Variants in ADAMTS2 observed in about 807,000 individuals in gnomAD.
The protein encoded by ADAMTS2 is A disintegrin and metalloproteinase with thrombospondin motifs 2.
ADAMTS2 carries 50 observed loss-of-function variants against 123.0 expected under a neutral mutation model. The observed-to-expected ratio is 0.41, with a 90% CI of 0.32 to 0.51. The LOEUF (loss-of-function observed/expected upper bound fraction) is 0.51. ADAMTS2 is among the 20% of genes least tolerant of loss of function. ADAMTS2 has a pLI of 0.35. For synonymous variants in ADAMTS2, 678 were observed against 695.4 expected (o/e 0.98, Z 0.39); for missense variants, 1,494 against 1,705.2 (o/e 0.88, Z 2.18).
rs1162344810 is a variant in ADAMTS2 at position 179,256,490 on chromosome 5, T to C, written c.688+16421A>G. On this transcript the variant is annotated intron_variant, in intron 3 of 21. Transcript: ENST00000251582. This position sits in a 1 kb window ranked among gnomAD's most constrained non-coding sequence, Gnocchi z 4.1. ...CTACATGGATGAAGATGTGGATGTG[T>C]CTGCTCTGACCATGGGTGTGTGCAT... Among the ~76,000 whole-genome samples, 4 of 152,036 alleles carry C rather than the reference T, an allele frequency of 2.6e-5. No individual in the cohort carries two copies. Among genetic ancestry groups the C allele is most frequent in the Non-Finnish European group, 5.9e-5 (4 of 67,982 alleles).
In ADAMTS2 at chr5:179,234,936, A is replaced by C. The variant is rs1302360156; in HGVS notation, c.689-27221T>G. ...CGAGCACACTGGCTAGGGCCTCCTG[A>C]TGGGCCTGACCTGCCTGCCAACCCT... On this transcript the variant is annotated intron_variant, in intron 3 of 21. Coordinates refer to ENST00000251582, the MANE Select transcript of ADAMTS2 (RefSeq NM_014244.5). The surrounding 1 kb of genome is among the most constrained non-coding windows in gnomAD (Gnocchi z 4.7). Among the ~76,000 whole-genome samples the C allele has an allele frequency of 1.3e-5, 2 of 152,124 alleles. No homozygotes were observed. The highest frequency in any genetic ancestry group is 2.9e-5 in the Non-Finnish European group (2 of 68,020).
At chr5:179,247,101 G>C (rs924857544) in intron 3 of ADAMTS2, among the ~76,000 whole-genome samples, 5 of 152,152 alleles carry the variant, frequency 3.3e-5, no homozygotes, top group African/African-American at 1.2e-4. Flanking sequence ...TGTCTTAAAT[G>C]TGTTCAAAGA....
At chr5:179,223,283 TACAC>T (rs138886185) in intron 3 of ADAMTS2, among the ~76,000 whole-genome samples, 3 of 116,296 alleles carry the variant, frequency 2.6e-5, no homozygotes, top group East Asian at 2.9e-4. Flanking sequence ...AATGCACTCA[TACAC>T]ACACACACGA....
chr5:179,128,013 CCA>C lies in ADAMTS2; in HGVS notation c.2561_2562del (p.Val854GlyfsTer73), dbSNP rs1554124086. On this transcript the variant is annotated frameshift_variant, in exon 17 of 22. Transcript: ENST00000251582. LOFTEE classifies it high-confidence loss of function. This position sits in a 1 kb window ranked among gnomAD's most constrained non-coding sequence, Gnocchi z 4.9. ...DDNNVLEEDSVVYEWALKKWS... is the reference protein window; with the variant it reads ...DDNNVLEEDSXVYEWALKKWS... ...CACTTCTTCAGGGCCCACTCGTAGA[CCA>C]CAGAGTCCTCTTCCAGGACGTTGTT... The C allele has an allele frequency of 6.2e-7, 1 of 1,613,998 alleles. No homozygotes were observed. The highest frequency in any genetic ancestry group is 1.7e-5 in the Admixed American group (1 of 60,010).
At chr5:179,221,984 G>A (rs1195102056) in intron 3 of ADAMTS2, among the ~76,000 whole-genome samples, 3 of 152,122 alleles carry the variant, frequency 2.0e-5, no homozygotes, top group African/African-American at 7.2e-5. Context: ...CCTCTCCCAC[G>A]GGTAAATCCC....
At position 179,294,983 on chromosome 5, in the gene ADAMTS2, C is replaced by T. The variant is rs535061061; in HGVS notation, c.535-21919G>A. Reference sequence around the variant, plus strand: ...GTCGCTCTCAACTACTGCCTCTAGGCGAACGGGCCTGTGGGGAACTTGGCG... The same window carrying T: ...GTCGCTCTCAACTACTGCCTCTAGGTGAACGGGCCTGTGGGGAACTTGGCG... On this transcript the variant is annotated intron_variant, in intron 2 of 21. Coordinates refer to ENST00000251582, the MANE Select transcript of ADAMTS2 (RefSeq NM_014244.5). Among the ~76,000 whole-genome samples the T allele has an allele frequency of 1.1e-4, 17 of 152,310 alleles. No homozygotes were observed. The East Asian group carries it at 2.5e-3, about 23-fold the overall frequency.
intron 3 of ADAMTS2, among the ~76,000 whole-genome samples, chr5:179,208,150 G>T (rs1764759587): frequency 1.3e-5 from 2 of 148,922 alleles, no homozygotes; most frequent in African/African-American, 2.5e-5. Context: ...GCCACCCCTT[G>T]CCCACACTGC....
At chr5:179,240,576 AAAG>A (rs1765640878) in intron 3 of ADAMTS2, among the ~76,000 whole-genome samples, 1 of 152,234 alleles carries the variant, frequency 6.6e-6, no homozygotes, top group South Asian at 2.1e-4. Flanking sequence ...GCCGCTGGCA[AAAG>A]AAGGTTTAAG....
At chr5:179,137,624 A>G in intron 12 of ADAMTS2, 145 bp downstream of exon 12, 1 of 1,103,536 alleles carries the variant, frequency 9.1e-7, no homozygotes, top group Non-Finnish European at 1.3e-6. Context: ...GGGCCAGGGC[A>G]GCCACACCAG....
At chr5:179,293,926 T>A (rs1561698786) in intron 2 of ADAMTS2, among the ~76,000 whole-genome samples, 1 of 151,670 alleles carries the variant, frequency 6.6e-6, no homozygotes, top group Non-Finnish European at 1.5e-5. Flanking sequence ...CTGGCCAAGG[T>A]TTTTTTGTTT....
chr5:179,119,643 C>G (rs899752047), intron 21 of ADAMTS2, among the ~76,000 whole-genome samples: 4 of 152,222 alleles, frequency 2.6e-5, no homozygotes, highest in African/African-American at 9.6e-5. Flanking sequence ...CCCAGGCTTT[C>G]CCGGGGCTGG....
intron 2 of ADAMTS2, among the ~76,000 whole-genome samples, chr5:179,297,190 C>T (rs932340266): frequency 6.6e-6 from 1 of 152,130 alleles, no homozygotes; most frequent in African/African-American, 2.4e-5. Flanking sequence ...GTCTCCTAGA[C>T]CACAGCAGAG....
At chr5:179,337,257 C>T (rs758496776) in intron 2 of ADAMTS2, among the ~76,000 whole-genome samples, 1 of 152,076 alleles carries the variant, frequency 6.6e-6, no homozygotes, top group African/African-American at 2.4e-5. Context: ...CCCCTGAGTA[C>T]CTCAACCCCA....
At chr5:179,283,549 C>CAAAAAAAAAAAAAAAAAAAAA (rs3986816) in intron 2 of ADAMTS2, among the ~76,000 whole-genome samples, 1 of 51,342 alleles carries the variant, frequency 1.9e-5, no homozygotes, top group African/African-American at 9.5e-5. Flanking sequence ...AGAAAAACAG[C>CAAAAAAAAAAAAAAAAAAAAA]AAAAAAAAAA....
chr5:179,329,487 A>C (rs1407753561), intron 2 of ADAMTS2, among the ~76,000 whole-genome samples: 1 of 152,216 alleles, frequency 6.6e-6, no homozygotes, highest in Non-Finnish European at 1.5e-5. Context: ...AATTTAGAAA[A>C]AAATGAACAC....
At position 179,155,584 on chromosome 5, in the gene ADAMTS2, C is replaced by A. The variant is rs114888274; in HGVS notation, c.1133-665G>T. ...CGTAGAAGATGAGGCCAGTGGCCTA[C>A]GACAGCCCAGGGCCAGGGGGAGGGT... On this transcript the variant is annotated intron_variant, in intron 6 of 21. Coordinates refer to ENST00000251582, the MANE Select transcript of ADAMTS2 (RefSeq NM_014244.5). This position sits in a 1 kb window ranked among gnomAD's most constrained non-coding sequence, Gnocchi z 5.1. Among the ~76,000 whole-genome samples the A allele has an allele frequency of 6.6e-6, 1 of 152,188 alleles. No homozygotes were observed. Among genetic ancestry groups the A allele is most frequent in the Non-Finnish European group, 1.5e-5 (1 of 68,028 alleles).
At position 179,190,856 on chromosome 5, in the gene ADAMTS2, A is replaced by G. The variant is rs576477965; in HGVS notation, c.892-9701T>C. Among the ~76,000 whole-genome samples, 6 of 152,332 alleles carry G rather than the reference A, an allele frequency of 3.9e-5. No homozygotes were observed. In the South Asian group the frequency reaches 1.2e-3, roughly 32 times the overall value. ...CACCCTGGCTCTCCTCCTGGCCATC[A>G]CCATCGGGAGAGGTCTGAGTGAACA... On this transcript the variant is annotated intron_variant, in intron 4 of 21. Transcript: ENST00000251582.
intron 5 of ADAMTS2, among the ~76,000 whole-genome samples, chr5:179,171,546 G>C (rs568166931): frequency 1.3e-5 from 2 of 152,164 alleles, no homozygotes; most frequent in Non-Finnish European, 2.9e-5. Context: ...GCACAGCAGC[G>C]GGCAGGCCCG....
intron 3 of ADAMTS2, among the ~76,000 whole-genome samples, chr5:179,211,362 G>GC (rs1730285877): frequency 1.5e-5 from 2 of 137,260 alleles, no homozygotes; most frequent in Admixed American, 1.4e-4. Context: ...AAGGCACTGG[G>GC]CCCCCTGGGG....
Sources: allele counts gnomAD v4.1 joint callset (sites outside exome capture counted in the v4.1 genomes callset), GRCh38; gene constraint gnomAD v4.1.1; non-coding constraint Gnocchi (gnomAD v3.1); transcripts MANE v1.5; gene names NCBI Gene and HGNC (gene_info 2026-07-23, HGNC 2026-07-21).